Variants in FHIP1A observed in about 807,000 individuals in gnomAD.
The protein encoded by FHIP1A is FHF complex subunit HOOK-interacting protein 1A.
Under a neutral mutation model 88.6 loss-of-function variants are expected in FHIP1A, and 61 were observed. The ratio of observed to expected loss-of-function variants is 0.69; its 90% CI spans 0.56 to 0.85. The LOEUF (loss-of-function observed/expected upper bound fraction) is 0.85. FHIP1A is among the 40% of genes least tolerant of loss of function. The pLI is 0.00. For synonymous variants in FHIP1A, 478 were observed against 496.0 expected, an observed-to-expected ratio of 0.96 and a Z score of 0.48; for missense variants, 1,154 against 1,273.5, an observed-to-expected ratio of 0.91 and a Z score of 1.43.
chr4:151,483,506 ACCT>A (rs1729973140), intron 3 of FHIP1A, among the ~76,000 whole-genome samples: 1 of 152,124 alleles, frequency 6.6e-6, no homozygotes, highest in South Asian at 2.1e-4. Flanking sequence ...GTAAAATCAG[ACCT>A]CTACCTAGGA....
At chr4:151,575,371 A>T (rs1014466147) in intron 4 of FHIP1A, among the ~76,000 whole-genome samples, 1 of 152,154 alleles carries the variant, frequency 6.6e-6, no homozygotes, top group African/African-American at 2.4e-5. Flanking sequence ...TTCTATTGAG[A>T]TGTTGGTAAG....
chr4:151,662,143 G>A (rs944714817), intron 13 of FHIP1A, among the ~76,000 whole-genome samples: 13 of 152,186 alleles, frequency 8.5e-5, no homozygotes, highest in Admixed American at 6.5e-5. Flanking sequence ...ACTACTCATC[G>A]CCCCTTAATA....
At chr4:151,537,679 A>G (rs897981374) in intron 3 of FHIP1A, among the ~76,000 whole-genome samples, 4 of 152,166 alleles carry the variant, frequency 2.6e-5, no homozygotes, top group Admixed American at 1.3e-4. Flanking sequence ...CCTAGCTGGT[A>G]TGGACTTTTG....
At chr4:151,642,860 T>A (rs867265575) in intron 9 of FHIP1A, among the ~76,000 whole-genome samples, 1 of 151,154 alleles carries the variant, frequency 6.6e-6, no homozygotes, top group Non-Finnish European at 1.5e-5. Context: ...ACAATATGTA[T>A]GATATATATA....
At chr4:151,493,653 G>A (rs996522505) in intron 3 of FHIP1A, among the ~76,000 whole-genome samples, 5 of 152,214 alleles carry the variant, frequency 3.3e-5, no homozygotes, top group African/African-American at 7.2e-5. Context: ...TACCAGGGAT[G>A]CAGGATTGGT....
chr4:151,419,496 C>T, intron 1 of FHIP1A, among the ~76,000 whole-genome samples: 1 of 149,010 alleles, frequency 6.7e-6, no homozygotes, highest in East Asian at 2.0e-4. Flanking sequence ...TTGGCTGATT[C>T]TCAGGGCATT....
chr4:151,461,392 A>G (rs1340844975), intron 2 of FHIP1A, among the ~76,000 whole-genome samples: 3 of 152,298 alleles, frequency 2.0e-5, no homozygotes, highest in East Asian at 3.9e-4. Flanking sequence ...GAGGTGAGGT[A>G]TGGTGGGCAT....
chr4:151,633,683 A>G (rs1195377156), intron 8 of FHIP1A, among the ~76,000 whole-genome samples: 1 of 152,010 alleles, frequency 6.6e-6, no homozygotes, highest in Non-Finnish European at 1.5e-5. Context: ...ATACCACATT[A>G]ACAGAATGAA....
chr4:151,624,619 A>G (rs1284848508), intron 7 of FHIP1A, among the ~76,000 whole-genome samples: 1 of 152,178 alleles, frequency 6.6e-6, no homozygotes, highest in Non-Finnish European at 1.5e-5. Flanking sequence ...TTTTATTTTA[A>G]TACACTTTCC....
chr4:151,606,528 A>G (rs1338579443), intron 7 of FHIP1A, among the ~76,000 whole-genome samples: 1 of 152,214 alleles, frequency 6.6e-6, no homozygotes, highest in Non-Finnish European at 1.5e-5. Context: ...TTGAGCCCCA[A>G]ACGAGGCACC....
chr4:151,619,974 G>GT (rs1329145477), intron 7 of FHIP1A, among the ~76,000 whole-genome samples: 4 of 152,146 alleles, frequency 2.6e-5, no homozygotes, highest in African/African-American at 4.8e-5. Flanking sequence ...GGGAAATGTG[G>GT]TTTTTTATTA....
chr4:151,624,976 G>A (rs1005832955), intron 7 of FHIP1A, among the ~76,000 whole-genome samples: 3 of 152,118 alleles, frequency 2.0e-5, no homozygotes, highest in Admixed American at 6.5e-5. Context: ...TCTTCTTGGC[G>A]CTTCTTGTCC....
chr4:151,609,778 A>G (rs1373861968), intron 7 of FHIP1A, among the ~76,000 whole-genome samples: 1 of 152,210 alleles, frequency 6.6e-6, no homozygotes, highest in Non-Finnish European at 1.5e-5. Context: ...TCACACAACA[A>G]GTAGTGAACT....
intron 3 of FHIP1A, among the ~76,000 whole-genome samples, chr4:151,543,076 ACT>A (rs1732358742): frequency 1.3e-5 from 2 of 152,124 alleles, no homozygotes; most frequent in Admixed American, 6.5e-5. Context: ...CTGTTCTGAA[ACT>A]CTTTCCTATG....
chr4:151,501,126 C>T (rs1430871832), intron 3 of FHIP1A, among the ~76,000 whole-genome samples: 1 of 152,168 alleles, frequency 6.6e-6, no homozygotes, highest in Non-Finnish European at 1.5e-5. Flanking sequence ...TAAACACCCA[C>T]ATTTAGGTTA....
At chr4:151,473,012 A>C (rs1580607249) in intron 2 of FHIP1A, among the ~76,000 whole-genome samples, 1 of 152,178 alleles carries the variant, frequency 6.6e-6, no homozygotes, top group South Asian at 2.1e-4. Flanking sequence ...CTTCCAAAAA[A>C]CCCAAGCCAG....
Position 151,478,580 on chromosome 4 carries a change from T to C in FHIP1A, c.-247-3944T>C, listed in dbSNP as rs201199186. ...TATATACTTCCTGAAGTATGTTTCT[T>C]GGAGGTTATCAATACTAGCTGTGCA... On this transcript the variant is annotated intron_variant, in intron 2 of 13. Transcript: ENST00000435205. Among the ~76,000 whole-genome samples, 16 of 152,272 alleles carry C rather than the reference T, an allele frequency of 1.1e-4. No homozygotes were observed. The East Asian group carries it at 2.7e-3, about 26-fold the overall frequency.
intron 7 of FHIP1A, among the ~76,000 whole-genome samples, chr4:151,604,540 T>C (rs1469190640): frequency 6.6e-6 from 1 of 152,130 alleles, no homozygotes; most frequent in Non-Finnish European, 1.5e-5. Context: ...TTCAATTTGG[T>C]CTTACCAATT....
chr4:151,649,435 A>T (rs1299223396), intron 10 of FHIP1A, 24 bp from the exon 11 acceptor site: 2 of 1,516,652 alleles, frequency 1.3e-6, no homozygotes, highest in Non-Finnish European at 1.8e-6. Context: ...CCCTTGTTCT[A>T]ACCAGCCTCT....
Sources: gnomAD v4.1 joint callset for allele counts (sites outside exome capture counted in the v4.1 genomes callset) on GRCh38, gnomAD v4.1.1 for gene constraint, MANE v1.5 for transcripts, NCBI Gene and HGNC (gene_info 2026-07-23, HGNC 2026-07-21) for gene names.